Variants in FOXP1 observed in about 807,000 individuals in gnomAD.
FOXP1 encodes forkhead box P1.
FOXP1 carries 15 observed loss-of-function variants against 98.2 expected under a neutral mutation model. The observed-to-expected ratio is 0.15, with a 90% CI of 0.10 to 0.24. FOXP1 has a LOEUF of 0.24. Among genes scored for constraint, FOXP1 ranks in the 10% least tolerant of loss-of-function variants. The pLI, the probability that FOXP1 is intolerant of heterozygous loss-of-function variation, is 1.00. For missense variants in FOXP1, 633 were observed against 848.5 expected, an observed-to-expected ratio of 0.75 and a Z score of 3.15; for synonymous variants, 371 against 314.5, an observed-to-expected ratio of 1.18 and a Z score of -1.90.
rs549628992 is a variant in FOXP1 at position 71,133,755 on chromosome 3, T to C, written c.181-21118A>G. The stretch of plus-strand genomic sequence containing the variant: ...ATCCTAAATACCAAGGTTATTTGCT[T>C]GACTCTTGGAGTTGAGTACACGTTA... On this transcript the variant is annotated intron_variant, in intron 6 of 20. Transcript: ENST00000649528. 5.9e-5 allele frequency among the ~76,000 whole-genome samples: 9 copies of C among 152,208 alleles called. 1 individual carries two copies. The South Asian group carries it at 1.9e-3, about 32-fold the overall frequency.
At chr3:71,452,521 C>G (rs1577591863) in intron 3 of FOXP1, among the ~76,000 whole-genome samples, 1 of 152,252 alleles carries the variant, frequency 6.6e-6, no homozygotes, top group East Asian at 1.9e-4. Flanking sequence ...ATTTTATTTT[C>G]TCTGGGATAA....
intron 3 of FOXP1, among the ~76,000 whole-genome samples, chr3:71,397,380 T>C (rs1488315637): frequency 6.6e-6 from 1 of 152,126 alleles, no homozygotes; most frequent in East Asian, 1.9e-4. Context: ...CTGGGAACGT[T>C]TTATCTGGAT....
chr3:71,006,218 C>A (rs1266689718), intron 12 of FOXP1, among the ~76,000 whole-genome samples: 1 of 152,000 alleles, frequency 6.6e-6, no homozygotes. Flanking sequence ...AGTACAGAAG[C>A]TTTGAAAATG....
chr3:71,218,979 A>G (rs1459746474), intron 5 of FOXP1, among the ~76,000 whole-genome samples: 1 of 152,228 alleles, frequency 6.6e-6, no homozygotes, highest in East Asian at 1.9e-4. Flanking sequence ...TTTTGCCTCA[A>G]ACTGAAATTA....
At chr3:71,268,090 C>CCT (rs1553808991) in intron 5 of FOXP1, among the ~76,000 whole-genome samples, 11,167 of 100,282 alleles carry the variant, frequency 0.11, 939 homozygotes, top group East Asian at 0.44. Context: ...CTTTTCTTTT[C>CCT]TTTTTTTTTT....
chr3:71,555,278 T>A (rs2107692687), intron 2 of FOXP1, among the ~76,000 whole-genome samples: 1 of 152,262 alleles, frequency 6.6e-6, no homozygotes. Context: ...CCAAATTGAA[T>A]TACTGGTCCC....
At chr3:71,012,499 A>G (rs1254992276) in intron 12 of FOXP1, among the ~76,000 whole-genome samples, 1 of 152,200 alleles carries the variant, frequency 6.6e-6, no homozygotes, top group African/African-American at 2.4e-5. Flanking sequence ...CATCTCTTTT[A>G]AAATATTTTT....
At chr3:71,576,605 G>A (rs2047737397) in intron 2 of FOXP1, among the ~76,000 whole-genome samples, 1 of 152,166 alleles carries the variant, frequency 6.6e-6, no homozygotes, top group South Asian at 2.1e-4. Flanking sequence ...GTTACTTTAA[G>A]TACTCAGACT....
chr3:71,405,605 C>T (rs1410495387), intron 3 of FOXP1, among the ~76,000 whole-genome samples: 1 of 152,182 alleles, frequency 6.6e-6, no homozygotes, highest in East Asian at 1.9e-4. Context: ...CAGAGTTCCA[C>T]GTTCCCAGCT....
chr3:71,123,514 C>T (rs1325093949), intron 6 of FOXP1, among the ~76,000 whole-genome samples: 2 of 152,136 alleles, frequency 1.3e-5, no homozygotes, highest in African/African-American at 4.8e-5. Context: ...TTTTTCAAAA[C>T]GAGCTTTTCA....
At chr3:71,269,570 T>G (rs1015987278) in intron 5 of FOXP1, among the ~76,000 whole-genome samples, 8 of 152,166 alleles carry the variant, frequency 5.3e-5, no homozygotes, top group African/African-American at 1.9e-4. Context: ...GCATTAGTAC[T>G]AAACAATATT....
At chr3:71,038,083 T>C (rs1247334334) in intron 11 of FOXP1, among the ~76,000 whole-genome samples, 1 of 152,200 alleles carries the variant, frequency 6.6e-6, no homozygotes, top group Non-Finnish European at 1.5e-5. Context: ...CTGCTGCTAC[T>C]GCAGTGGCTG....
At chr3:71,030,071 C>T (rs2107890416) in intron 11 of FOXP1, among the ~76,000 whole-genome samples, 1 of 152,284 alleles carries the variant, frequency 6.6e-6, no homozygotes, top group African/African-American at 2.4e-5. Context: ...AACTGAGGCA[C>T]ACCAAGCTCA....
intron 3 of FOXP1, among the ~76,000 whole-genome samples, chr3:71,384,602 TCAG>T (rs762522801): frequency 3.6e-4 from 55 of 152,294 alleles, no homozygotes; most frequent in Non-Finnish European, 7.1e-4. Flanking sequence ...TTGGAGACTC[TCAG>T]AAGAAATGTG....
At chr3:71,473,181 T>C (rs144990938) in intron 3 of FOXP1, among the ~76,000 whole-genome samples, 9 of 152,268 alleles carry the variant, frequency 5.9e-5, no homozygotes, top group Non-Finnish European at 1.3e-4. Context: ...TATACTATTA[T>C]TTAACAGAGG....
chr3:71,022,416 G>A (rs1189494082), intron 11 of FOXP1, among the ~76,000 whole-genome samples: 2 of 152,226 alleles, frequency 1.3e-5, no homozygotes, highest in East Asian at 1.9e-4. Flanking sequence ...GAGGTTTGAC[G>A]GGTAGGGGGA....
intron 7 of FOXP1, among the ~76,000 whole-genome samples, chr3:71,072,050 A>G (rs1289494571): frequency 6.6e-6 from 1 of 152,192 alleles, no homozygotes; most frequent in South Asian, 2.1e-4. Context: ...GGCTGGGTGC[A>G]GTGACTCATG....
chr3:71,190,638 C>CAAAA (rs55747148), intron 6 of FOXP1, among the ~76,000 whole-genome samples: 2 of 43,496 alleles, frequency 4.6e-5, no homozygotes, highest in African/African-American at 1.9e-4. Context: ...ACCCCATCTC[C>CAAAA]AAAAAAAAAA....
At chr3:71,423,553 C>T (rs937557890) in intron 3 of FOXP1, among the ~76,000 whole-genome samples, 1 of 152,262 alleles carries the variant, frequency 6.6e-6, no homozygotes, top group African/African-American at 2.4e-5. Flanking sequence ...CATCCCCCTG[C>T]TGGCTGGCAT....
Sources: gnomAD v4.1 joint callset for allele counts (sites outside exome capture counted in the v4.1 genomes callset) on GRCh38, gnomAD v4.1.1 for gene constraint, MANE v1.5 for transcripts, NCBI Gene and HGNC (gene_info 2026-07-23, HGNC 2026-07-21) for gene names.